The following USP32 variants were observed in gnomAD, a reference collection of about 807,000 sequenced individuals.
USP32 encodes ubiquitin carboxyl-terminal hydrolase 32.
Under a neutral mutation model 204.8 loss-of-function variants are expected in USP32, and 59 were observed. The observed-to-expected ratio is 0.29, with a 90% CI of 0.23 to 0.36. USP32 has a LOEUF of 0.36. Among genes scored for constraint, USP32 ranks in the 10% least tolerant of loss-of-function variants. USP32 has a pLI of 1.00. For synonymous variants in USP32, 517 were observed against 678.4 expected, an observed-to-expected ratio of 0.76 and a Z score of 3.70; for missense variants, 1,160 against 1,946.4, an observed-to-expected ratio of 0.60 and a Z score of 7.60.
In USP32 at chr17:60,192,937, CAGA is replaced by C; in HGVS notation, c.3435-10_3435-8del. 1 of 1,613,316 alleles carries C rather than the reference CAGA, an allele frequency of 6.2e-7. No individual in the cohort carries two copies. The highest frequency in any genetic ancestry group is 1.1e-5 in the South Asian group (1 of 91,056). On this transcript the variant is annotated splice_region_variant and splice_polypyrimidine_tract_variant and intron_variant, in intron 27 of 33. Transcript: ENST00000300896. ...ATAGCCCATACTGTCGTCACTGAAACAGAAGAGAACAAAAAGAGTGTAAGAAGC... is the reference window on the plus strand; with the variant it reads ...ATAGCCCATACTGTCGTCACTGAAACAGAGAACAAAAAGAGTGTAAGAAGC...
upstream of USP32, chr17:60,392,650 A>G: frequency 2.2e-6 from 1 of 450,474 alleles, no homozygotes; most frequent in South Asian, 1.6e-5. Context: ...GTGGGTAGGC[A>G]GGGAGCTCCC....
chr17:60,365,931 C>T (rs373839089), intron 1 of USP32, among the ~76,000 whole-genome samples: 5 of 152,050 alleles, frequency 3.3e-5, no homozygotes, highest in East Asian at 3.9e-4. Flanking sequence ...TGGGGTTTTT[C>T]GGTTCATTTT....
At chr17:60,182,768 C>CA (rs941444171) in intron 31 of USP32, among the ~76,000 whole-genome samples, 24 of 149,934 alleles carry the variant, frequency 1.6e-4, no homozygotes, top group Non-Finnish European at 3.4e-4. Flanking sequence ...GACCCTGTCT[C>CA]AAAAAAATAA....
intron 26 of USP32, among the ~76,000 whole-genome samples, chr17:60,202,360 T>C (rs968214524): frequency 9.9e-5 from 15 of 152,218 alleles, no homozygotes; most frequent in South Asian, 4.1e-4. Context: ...CTTGATGATA[T>C]CCTCATATCT....
chr17:60,345,217 C>A (rs373512628), intron 2 of USP32, among the ~76,000 whole-genome samples: 4 of 152,118 alleles, frequency 2.6e-5, no homozygotes, highest in African/African-American at 9.7e-5. Flanking sequence ...AGAAGCCAAT[C>A]ATGGAAATGT....
At chr17:60,314,036 T>TA (rs753609210) in intron 2 of USP32, among the ~76,000 whole-genome samples, 1 of 134,036 alleles carries the variant, frequency 7.5e-6, no homozygotes, top group East Asian at 2.2e-4. Context: ...TAAACAAAAA[T>TA]AAAAACATGG....
At chr17:60,190,531 A>G in intron 29 of USP32, 32 bp downstream of exon 29, 3 of 1,513,638 alleles carry the variant, frequency 2.0e-6, no homozygotes, top group Non-Finnish European at 2.6e-6. Context: ...TCATATAAAA[A>G]CCACCATTTT....
rs571475609 is a variant in USP32, at chr17:60,401,301, C to T, written c.106+20945G>A. 4.4e-3 allele frequency among the ~76,000 whole-genome samples: 673 copies of T among 151,614 alleles called. 8 individuals carry two copies. The highest frequency in any genetic ancestry group is 0.015 in the African/African-American group (616 of 41,308). ...AGGAGAATAGCGTGAACCAGGGAGG[C>T]GGAGCTTGCAGTGAGCCGAGATCGC... On this transcript the variant is annotated intron_variant, in intron 1 of 3. Transcript: ENST00000588898.
chr17:60,357,276 C>A (rs921182200), intron 1 of USP32, among the ~76,000 whole-genome samples: 5 of 152,056 alleles, frequency 3.3e-5, no homozygotes, highest in African/African-American at 1.2e-4. Context: ...CAGAGGGAGA[C>A]CCCATCTCTA....
At position 60,185,663 on chromosome 17, in the gene USP32, G is replaced by A. The variant is rs776999234; in HGVS notation, c.3643-12C>T. ...TGCTCATCTACAACCTGCAGGTAGA[G>A]GGAACAGGAGGAAAGGGGTGCGTGG... On this transcript the variant is annotated splice_polypyrimidine_tract_variant and intron_variant, in intron 29 of 33. Coordinates refer to ENST00000300896, the MANE Select transcript of USP32 (RefSeq NM_032582.4). The A allele has an allele frequency of 2.5e-6, 4 of 1,604,546 alleles. No individual in the cohort carries two copies. The South Asian group carries it at 4.4e-5, about 18-fold the overall frequency.
intron 2 of USP32, among the ~76,000 whole-genome samples, chr17:60,309,137 G>T (rs1435146044): frequency 6.6e-6 from 1 of 152,032 alleles, no homozygotes; most frequent in South Asian, 2.1e-4. Context: ...ATAGACAAAT[G>T]GGATTTGATC....
chr17:60,238,731 G>C (rs983183688), intron 11 of USP32, among the ~76,000 whole-genome samples: 2 of 151,300 alleles, frequency 1.3e-5, no homozygotes, highest in Non-Finnish European at 2.9e-5. Flanking sequence ...TTGAACCCAG[G>C]AGGCAGAGTT....
At chr17:60,305,797 T>C (rs2087708287) in intron 2 of USP32, among the ~76,000 whole-genome samples, 1 of 152,200 alleles carries the variant, frequency 6.6e-6, no homozygotes, top group South Asian at 2.1e-4. Flanking sequence ...GAAGAAATTT[T>C]GAGTAAGGTA....
intron 2 of USP32, among the ~76,000 whole-genome samples, chr17:60,312,458 T>G (rs2087876358): frequency 6.6e-6 from 1 of 152,018 alleles, no homozygotes; most frequent in Non-Finnish European, 1.5e-5. Flanking sequence ...CAGGGTCTCA[T>G]TCTATTGCCC....
intron 1 of USP32, among the ~76,000 whole-genome samples, chr17:60,413,831 C>G (rs2090037301): frequency 7.1e-6 from 1 of 140,818 alleles, no homozygotes; most frequent in African/African-American, 2.7e-5. Context: ...CACCGCTGCA[C>G]TCCAGCCTGG....
chr17:60,223,693 T>G, intron 13 of USP32, 107 bp from the exon 14 acceptor site: 1 of 906,822 alleles, frequency 1.1e-6, no homozygotes, highest in African/African-American at 1.7e-5. Flanking sequence ...TGTTGACATG[T>G]CAGTACAGAT....
intron 23 of USP32, 103 bp downstream of exon 23, chr17:60,208,551 C>T: frequency 2.1e-6 from 3 of 1,395,896 alleles, no homozygotes; most frequent in Non-Finnish European, 2.8e-6. Context: ...ATGCTGACTA[C>T]CGGTCTTTAT....
intron 2 of USP32, among the ~76,000 whole-genome samples, chr17:60,330,437 TTC>T (rs1329977750): frequency 6.6e-6 from 1 of 152,010 alleles, no homozygotes; most frequent in Non-Finnish European, 1.5e-5. Context: ...TAACTTAGAT[TTC>T]TTTCTTTTCT....
intron 27 of USP32, among the ~76,000 whole-genome samples, chr17:60,196,694 G>A (rs1386562623): frequency 1.3e-4 from 19 of 151,340 alleles, no homozygotes; most frequent in African/African-American, 4.6e-4. Flanking sequence ...GCATGGTGGC[G>A]GGCACCTGTA....
Sources: gnomAD v4.1 joint callset for allele counts (sites outside exome capture counted in the v4.1 genomes callset) on GRCh38, gnomAD v4.1.1 for gene constraint, MANE v1.5 for transcripts, NCBI Gene and HGNC (gene_info 2026-07-23, HGNC 2026-07-21) for gene names.